Variants in EED observed in about 807,000 individuals in gnomAD.
EED encodes the protein polycomb protein EED.
A neutral mutation model predicts 61.0 loss-of-function variants in EED; 9 were observed. The ratio of observed to expected loss-of-function variants is 0.15; its 90% CI spans 0.09 to 0.26. EED has a LOEUF of 0.26. EED is among the 10% of genes least tolerant of loss of function. EED has a pLI of 1.00. For missense variants in EED, 315 were observed against 542.3 expected, an observed-to-expected ratio of 0.58 and a Z score of 4.16; for synonymous variants, 187 against 174.4, an observed-to-expected ratio of 1.07 and a Z score of -0.57.
chr11:86,278,247 A>G, intron 11 of EED, 152 bp from the exon 12 acceptor site: 1 of 1,353,334 alleles, frequency 7.4e-7, no homozygotes, highest in Non-Finnish European at 9.5e-7. Context: ...ATTTTATAAA[A>G]TTTGAGACTG....
At chr11:86,279,421 T>C (rs1946298761), downstream of EED, among the ~76,000 whole-genome samples, 3 of 152,152 alleles carry the variant, frequency 2.0e-5, no homozygotes, top group Non-Finnish European at 4.4e-5. Flanking sequence ...TAGATTGAGA[T>C]CATAAGGTTG....
intron 8 of EED, among the ~76,000 whole-genome samples, chr11:86,267,381 A>C (rs888118521): frequency 6.6e-6 from 1 of 152,200 alleles, no homozygotes; most frequent in African/African-American, 2.4e-5. Flanking sequence ...AGGACATATG[A>C]ATTGCCTAAG....
intron 6 of EED, among the ~76,000 whole-genome samples, chr11:86,258,555 G>GTTTTTT (rs563888569): frequency 1.5e-5 from 2 of 130,888 alleles, no homozygotes; most frequent in South Asian, 4.8e-4. Flanking sequence ...TTGTTTTTTG[G>GTTTTTT]TTTTTTTTTT....
downstream of EED, among the ~76,000 whole-genome samples, chr11:86,281,054 T>C (rs1041281087): frequency 6.6e-6 from 1 of 152,238 alleles, no homozygotes; most frequent in African/African-American, 2.4e-5. Flanking sequence ...AATGTATTGC[T>C]GAAGATGATG....
chr11:86,250,293 C>T lies in EED; in HGVS notation c.115-3C>T. The T allele has an allele frequency of 2.0e-6, 3 of 1,526,586 alleles. No homozygotes were observed. Among genetic ancestry groups the T allele is most frequent in the Non-Finnish European group, 2.6e-6 (3 of 1,139,230 alleles). 94.6% of individuals were successfully genotyped at this position (1,526,586 alleles called of 1,614,324 possible). ...GTAATTTTTCCTCATTTACTGCTTA[C>T]AGGATGACGCTGTCAGTATAGAAAG... On this transcript the variant is annotated splice_polypyrimidine_tract_variant and splice_region_variant and intron_variant, in intron 1 of 11. Coordinates refer to ENST00000263360, the MANE Select transcript of EED (RefSeq NM_003797.5).
rs1466033926 is a variant in EED, at chr11:86,268,525, T to C, written c.930T>C (p.Asp310=). The change falls in exon 9 of 12, where the codon GAT becomes GAC. Residue 310 remains aspartate (D), a synonymous_variant. Transcript: ENST00000263360. ...GAGACATACATAGGAATTATGTTGATTGTGTGCGATGGTTAGGCGATTTGA... is the reference window on the plus strand; with the variant it reads ...GAGACATACATAGGAATTATGTTGACTGTGTGCGATGGTTAGGCGATTTGA... ...STRDIHRNYV[D]CVRWLGDLIL... 5.6e-6 allele frequency: 9 copies of C among 1,611,398 alleles called. No homozygotes were observed. The highest frequency in any genetic ancestry group is 6.8e-6 in the Non-Finnish European group (8 of 1,179,308).
downstream of EED, among the ~76,000 whole-genome samples, chr11:86,279,919 A>G (rs1946303886): frequency 6.6e-6 from 1 of 152,234 alleles, no homozygotes; most frequent in Admixed American, 6.5e-5. Context: ...ACAGCATCAC[A>G]AAAGACAAGG....
chr11:86,258,682 A>T (rs1945749166), intron 6 of EED, among the ~76,000 whole-genome samples: 1 of 150,326 alleles, frequency 6.7e-6, no homozygotes, highest in African/African-American at 2.5e-5. Flanking sequence ...CAGCCTCTCG[A>T]GTAGCTGGGA....
At chr11:86,283,533 G>A (rs1292954515), downstream of EED, among the ~76,000 whole-genome samples, 1 of 152,194 alleles carries the variant, frequency 6.6e-6, no homozygotes, top group Non-Finnish European at 1.5e-5. Flanking sequence ...AGCACCTAGA[G>A]CAGTGCCTTT....
chr11:86,266,499 A>G (rs1945983648), intron 8 of EED, among the ~76,000 whole-genome samples: 1 of 152,096 alleles, frequency 6.6e-6, no homozygotes, highest in South Asian at 2.1e-4. Flanking sequence ...TGGCCTTTTA[A>G]GTTATAAATG....
chr11:86,251,903 G>A lies in EED; in HGVS notation c.268-245G>A, dbSNP rs145005519. Among the ~76,000 whole-genome samples the A allele has an allele frequency of 1.1e-3, 160 of 152,290 alleles. 1 individual carries two copies. The highest frequency in any genetic ancestry group is 3.8e-3 in the African/African-American group (157 of 41,560). On this transcript the variant is annotated intron_variant, in intron 2 of 11. Transcript: ENST00000263360. ...ATATTATAAGTGTTTTCGTAGGTAA[G>A]CGGTTATTACCTAACTTGTGATTTC...
intron 6 of EED, among the ~76,000 whole-genome samples, chr11:86,257,804 G>A (rs1420157033): frequency 6.6e-6 from 1 of 152,196 alleles, no homozygotes; most frequent in East Asian, 1.9e-4. Context: ...CTGGCAGTAA[G>A]TGCCTCTCCA....
chr11:86,254,705 C>T (rs975631796), intron 3 of EED, among the ~76,000 whole-genome samples: 1 of 150,448 alleles, frequency 6.6e-6, no homozygotes, highest in Non-Finnish European at 1.5e-5. Flanking sequence ...TCACTGCAAC[C>T]TCCGCCTCCC....
rs781304137 is a variant in EED at position 86,255,236 on chromosome 11, A to G, written c.375A>G (p.Glu125=). Residue 125 remains glutamate, a synonymous_variant, in exon 4 of 12, where the codon GAA becomes GAG. Transcript: ENST00000263360. ...TVGSNRVTLY[E]CHSQGEIRLL... The stretch of plus-strand genomic sequence containing the variant: ...ATTTTCATTAGGTTACCTTGTATGA[A>G]TGTCATTCACAAGGAGAAATCCGGT... 2.4e-5 allele frequency: 38 copies of G among 1,609,968 alleles called. No homozygotes were observed. Among genetic ancestry groups the G allele is most frequent in the Non-Finnish European group, 3.1e-5 (36 of 1,177,094 alleles).
In EED at chr11:86,264,202, C is replaced by A. The variant is rs919112787; in HGVS notation, c.665C>A (p.Thr222Lys). The A allele has an allele frequency of 6.2e-7, 1 of 1,613,646 alleles. No homozygotes were observed. Among genetic ancestry groups the A allele is most frequent in the Admixed American group, 1.7e-5 (1 of 59,970 alleles). ...DHALRLWNIQ[T>K]DTLVAIFGGV... ...GCTTTACGATTATGGAATATCCAGA[C>A]GGACACTCTGGTGGCAATATTTGGA... Residue 222 changes from threonine to lysine, a missense_variant, in exon 7 of 12, where the codon ACG (threonine) becomes AAG (lysine). Physicochemically the swap from Thr to Lys is moderately conservative, Grantham distance 78. Transcript: ENST00000263360.
chr11:86,248,715 T>C (rs963110023), intron 1 of EED, among the ~76,000 whole-genome samples: 1 of 152,134 alleles, frequency 6.6e-6, no homozygotes, highest in Admixed American at 6.6e-5. Context: ...CTATCAGTTA[T>C]TCATAATGAA....
chr11:86,264,907 A>G (rs558250010), intron 7 of EED: 2 of 152,314 alleles, frequency 1.3e-5, no homozygotes, highest in South Asian at 2.1e-4. Context: ...GTTGTTTTCC[A>G]TTAAACTATG....
chr11:86,286,031 G>T, the EED span, among the ~76,000 whole-genome samples: 1 of 151,862 alleles, frequency 6.6e-6, no homozygotes, highest in South Asian at 2.1e-4. Flanking sequence ...CTGCACAAAA[G>T]TAACTCCACT....
intron 8 of EED, among the ~76,000 whole-genome samples, 181 bp downstream of exon 8, chr11:86,266,397 T>C (rs927133686): frequency 1.3e-5 from 2 of 152,136 alleles, no homozygotes; most frequent in African/African-American, 2.4e-5. Flanking sequence ...TTGCAGTGTT[T>C]GTGGCTTAGT....
Sources: gnomAD v4.1 joint callset for allele counts (sites outside exome capture counted in the v4.1 genomes callset) on GRCh38, gnomAD v4.1.1 for gene constraint, MANE v1.5 for transcripts, NCBI Gene and HGNC (gene_info 2026-07-23, HGNC 2026-07-21) for gene names.